Variants in TTLL12 observed in about 807,000 individuals in gnomAD.
TTLL12 encodes tubulin--tyrosine ligase-like protein 12.
In TTLL12, 77 loss-of-function variants were observed where a neutral mutation model predicts 79.6. The ratio of observed to expected loss-of-function variants is 0.97; its 90% CI spans 0.81 to 1.17. The LOEUF is 1.17. Ranked by LOEUF, TTLL12 falls within the 50% of genes most tolerant of loss-of-function variation. The pLI is 0.00. For synonymous variants in TTLL12, 437 were observed against 376.1 expected (o/e 1.16, Z -1.87); for missense variants, 969 against 895.9 (o/e 1.08, Z -1.04).
At chr22:43,177,165 T>C (rs1931936950) in intron 5 of TTLL12, among the ~76,000 whole-genome samples, 1 of 151,986 alleles carries the variant, frequency 6.6e-6, no homozygotes, top group Admixed American at 6.5e-5. Context: ...CCCAGGTGTG[T>C]AGGACCAGCC....
chr22:43,173,570 C>T, intron 9 of TTLL12, 145 bp downstream of exon 9: 1 of 692,766 alleles, frequency 1.4e-6, no homozygotes, highest in Non-Finnish European at 2.3e-6. Flanking sequence ...TCCTCCACTT[C>T]CCAGAGTGCT....
Position 43,180,715 on chromosome 22 carries a change from C to G in TTLL12, c.546+27G>C, listed in dbSNP as rs150485320. 4.5e-3 allele frequency: 7,324 copies of G among 1,610,456 alleles called. 202 individuals are homozygous for G. The East Asian group carries it at 0.077, about 17-fold the overall frequency. ...GTCTGTGCCCATGCCTGTCCTCCCC[C>G]TCCCCGGGGCCCAGCTACCCACTCA... On this transcript the variant is annotated intron_variant, in intron 3 of 13. Coordinates refer to ENST00000216129, the MANE Select transcript of TTLL12 (RefSeq NM_015140.4).
At chr22:43,176,134 G>A (rs568705675) in intron 6 of TTLL12, among the ~76,000 whole-genome samples, 186 bp downstream of exon 6, 10 of 151,874 alleles carry the variant, frequency 6.6e-5, no homozygotes, top group Non-Finnish European at 1.2e-4. Flanking sequence ...CACTTTCTGC[G>A]GCATTTTCTC....
chr22:43,177,463 G>GA (rs1931945545), intron 5 of TTLL12, among the ~76,000 whole-genome samples: 2 of 152,310 alleles, frequency 1.3e-5, no homozygotes, highest in Non-Finnish European at 1.5e-5. Flanking sequence ...CTGAGGGTGG[G>GA]ATGGGCCTAA....
intron 2 of TTLL12, 72 bp downstream of exon 2, chr22:43,182,908 G>A: frequency 1.3e-6 from 2 of 1,550,598 alleles, no homozygotes; most frequent in Non-Finnish European, 1.8e-6. Context: ...GGGCCCAGGA[G>A]AATCTGCATT....
chr22:43,173,451 C>T (rs1931816867), intron 9 of TTLL12, among the ~76,000 whole-genome samples: 1 of 152,220 alleles, frequency 6.6e-6, no homozygotes, highest in Non-Finnish European at 1.5e-5. Context: ...GCTGGGACTA[C>T]AGGTGTGTGC....
rs200261136 is a variant in TTLL12, at chr22:43,171,835, T to C, written c.1559A>G (p.Asp520Gly). The C allele has an allele frequency of 2.4e-4, 393 of 1,613,998 alleles. No individual in the cohort carries two copies. Among genetic ancestry groups the C allele is most frequent in the Non-Finnish European group, 3.2e-4 (383 of 1,179,994 alleles). Residue 520 changes from aspartate to glycine, a missense_variant, in exon 11 of 14, where the codon GAT becomes GGT. Coordinates refer to ENST00000216129, the MANE Select transcript of TTLL12 (RefSeq NM_015140.4). ...KHFTVMNYDP[D>G]VVLKQVHCEE... ...AGGCCCTACCTGCTTCAGCACCACA[T>C]CCGGGTCATAGTTCATGACCGTGAA...
At chr22:43,171,723 G>A (rs1931769508) in intron 11 of TTLL12, 96 bp downstream of exon 11, 1 of 1,015,864 alleles carries the variant, frequency 9.8e-7, no homozygotes, top group Non-Finnish European at 1.5e-6. Context: ...GGACTGGCCT[G>A]TGTGCCAGTC....
Position 43,171,888 on chromosome 22 carries a change from G to C in TTLL12, c.1506C>G (p.Leu502=), listed in dbSNP as rs760160342. Reference sequence around the variant, plus strand: ...GCTTCTCGTAGTCATCCAGGTCGTTGAGTGCAAAGGCCCTGGAAGACAAGT... The same window carrying C: ...GCTTCTCGTAGTCATCCAGGTCGTTCAGTGCAAAGGCCCTGGAAGACAAGT... The part of the protein sequence containing the change: ...WLRFSNRAFA[L]NDLDDYEKHF... The change falls in exon 11 of 14, where the codon CTC becomes CTG. Residue 502 remains leucine, a synonymous_variant. Transcript: ENST00000216129. The C allele has an allele frequency of 7.4e-6, 12 of 1,614,034 alleles. No homozygotes were observed. In the African/African-American group the frequency reaches 1.5e-4, roughly 20 times the overall value.
Position 43,181,491 on chromosome 22 carries a change from CA to C in TTLL12, c.348-552del, listed in dbSNP as rs549385113. 4.2e-3 allele frequency among the ~76,000 whole-genome samples: 645 copies of C among 152,320 alleles called. 9 individuals carry two copies. The highest frequency in any genetic ancestry group is 3.9e-3 in the Admixed American group (59 of 15,300). Reference sequence around the variant, plus strand: ...ACGCAGCCAGGTCTTCTGGAAGCACCAAGGCCTTTGTGTGGGAGAGGCTTCC... The same window carrying C: ...ACGCAGCCAGGTCTTCTGGAAGCACCAGGCCTTTGTGTGGGAGAGGCTTCC... On this transcript the variant is annotated intron_variant, in intron 2 of 13. Coordinates refer to ENST00000216129, the MANE Select transcript of TTLL12 (RefSeq NM_015140.4).
rs1601775223 is a variant in TTLL12 at position 43,180,954 on chromosome 22, C to T, written c.348-14G>A. The T allele has an allele frequency of 1.2e-6, 2 of 1,606,000 alleles. No individual in the cohort carries two copies. Among genetic ancestry groups the T allele is most frequent in the East Asian group, 4.5e-5 (2 of 44,742 alleles). Reference sequence around the variant, plus strand: ...ATGAGGAAGATGCTGCGGGCACAGGCCACAATGTGAGGCTGCCGGGTGGGC... The same window carrying T: ...ATGAGGAAGATGCTGCGGGCACAGGTCACAATGTGAGGCTGCCGGGTGGGC... On this transcript the variant is annotated splice_polypyrimidine_tract_variant and intron_variant, in intron 2 of 13. Coordinates refer to ENST00000216129, the MANE Select transcript of TTLL12 (RefSeq NM_015140.4).
At chr22:43,168,191 G>A in intron 13 of TTLL12, 32 bp from the exon 14 acceptor site, 1 of 1,606,896 alleles carries the variant, frequency 6.2e-7, no homozygotes, top group Non-Finnish European at 8.5e-7. Flanking sequence ...GAGTGTGAAG[G>A]CTCGTTGGCC....
At chr22:43,170,749 A>G (rs1370601717) in intron 11 of TTLL12, among the ~76,000 whole-genome samples, 4 of 152,090 alleles carry the variant, frequency 2.6e-5, no homozygotes, top group African/African-American at 9.7e-5. Flanking sequence ...CGTCTCTACT[A>G]AAAATACAAA....
rs1253060039 is a variant in TTLL12, at chr22:43,167,236, C to T, written c.*772G>A. On this transcript the variant is annotated 3_prime_UTR_variant, in exon 14 of 14. Transcript: ENST00000216129. ...CCGAAGGATCCTGGCCCATCTCACA[C>T]AAGGGCGGGACCCCGTGGAGTGCCC... is the stretch of plus-strand genomic sequence containing the variant. 1.9e-6 allele frequency: 1 copy of T among 529,658 alleles called. No homozygotes were observed. The allele number at this position is 529,658 out of a possible 1,614,324, so 32.8% of individuals were successfully genotyped here.
rs756896322 is a variant in TTLL12, at chr22:43,174,645, C to T, written c.918-30G>A. Reference sequence around the variant, plus strand: ...GGGGAGAGCCCGAGCTGGGTGATCCCGGCTCCCAAGTGTCCAAGCGGGACT... The same window carrying T: ...GGGGAGAGCCCGAGCTGGGTGATCCTGGCTCCCAAGTGTCCAAGCGGGACT... On this transcript the variant is annotated intron_variant, in intron 6 of 13. Coordinates refer to ENST00000216129, the MANE Select transcript of TTLL12 (RefSeq NM_015140.4). The T allele has an allele frequency of 6.6e-5, 101 of 1,539,988 alleles. 1 individual carries two copies. Among genetic ancestry groups the T allele is most frequent in the Middle Eastern group, 1.7e-4 (1 of 5,792 alleles).
chr22:43,172,740 C>A (rs1248770436), intron 9 of TTLL12, among the ~76,000 whole-genome samples, 186 bp from the exon 10 acceptor site: 1 of 151,874 alleles, frequency 6.6e-6, no homozygotes, highest in East Asian at 1.9e-4. Context: ...TTCTGTTGCC[C>A]AAGCTGGAGT....
At chr22:43,171,963 G>T in intron 10 of TTLL12, 63 bp from the exon 11 acceptor site, 1 of 1,422,680 alleles carries the variant, frequency 7.0e-7, no homozygotes, top group Non-Finnish European at 9.8e-7. Context: ...CGAGGGAGGT[G>T]CCACCCACTC....
intron 10 of TTLL12, 127 bp downstream of exon 10, chr22:43,172,276 C>G (rs1485734642): frequency 1.3e-5 from 15 of 1,193,578 alleles, no homozygotes; most frequent in Non-Finnish European, 1.8e-5. Context: ...GGGCCGCTAG[C>G]TGGGTGAGTG....
In TTLL12 at chr22:43,166,980, A is replaced by C. The variant is rs763991214; in HGVS notation, c.*1028T>G. ...CTGCCCGTGAGCTGGGCCCAGGCACACTGCAGCCACACAAAAACGCTGGCA... is the reference window on the plus strand; with the variant it reads ...CTGCCCGTGAGCTGGGCCCAGGCACCCTGCAGCCACACAAAAACGCTGGCA... On this transcript the variant is annotated 3_prime_UTR_variant, in exon 14 of 14. Transcript: ENST00000216129. The C allele has an allele frequency of 1.2e-4, 39 of 326,478 alleles. No individual in the cohort carries two copies. The highest frequency in any genetic ancestry group is 2.1e-4 in the Admixed American group (5 of 23,466). The allele number at this position is 326,478 out of a possible 1,614,324, so 20.2% of individuals were successfully genotyped here.
Sources: gnomAD v4.1 joint callset for allele counts (sites outside exome capture counted in the v4.1 genomes callset) on GRCh38, gnomAD v4.1.1 for gene constraint, MANE v1.5 for transcripts, NCBI Gene and HGNC (gene_info 2026-07-23, HGNC 2026-07-21) for gene names.